ALPL: variants seen among roughly 807,000 people sequenced by gnomAD.
ALPL encodes the protein alkaline phosphatase, biomineralization associated, also known as alkaline phosphatase, tissue-nonspecific isozyme.
A neutral mutation model predicts 51.3 loss-of-function variants in ALPL; 42 were observed. The observed-to-expected ratio is 0.82, with a 90% CI of 0.64 to 1.06. The LOEUF (loss-of-function observed/expected upper bound fraction) is 1.06, where lower values mean the gene tolerates loss of function less well. Ranked by LOEUF, ALPL falls within the 50% of genes least tolerant of loss-of-function variation. The probability of loss-of-function intolerance (pLI) is 0.00; values close to 1 mark genes in which losing one functional copy is unlikely to be tolerated. For missense variants in ALPL, 589 were observed against 709.4 expected (o/e 0.83, Z 1.93); for synonymous variants, 279 against 296.4 (o/e 0.94, Z 0.60).
chr1:21,576,606 G>A lies in ALPL; in HGVS notation c.1274G>A (p.Gly425Asp), dbSNP rs781543452. The A allele has an allele frequency of 3.1e-6, 5 of 1,613,980 alleles. No homozygotes were observed. In the Admixed American group the frequency reaches 6.7e-5, roughly 22 times the overall value. Residue 425 changes from glycine (G) to aspartate (D), a missense_variant, in exon 11 of 12, where the codon GGC becomes GAC. Coordinates refer to ENST00000374840, the MANE Select transcript of ALPL (RefSeq NM_000478.6). ...YGNGPGYKVV[G>D]GERENVSMVD... ...AATGGGCCTGGCTACAAGGTGGTGGGCGGTGAACGAGAGAATGTCTCCATG... is the reference window on the plus strand; with the variant it reads ...AATGGGCCTGGCTACAAGGTGGTGGACGGTGAACGAGAGAATGTCTCCATG...
intron 1 of ALPL, among the ~76,000 whole-genome samples, chr1:21,551,858 T>C (rs1644328881): frequency 6.6e-6 from 1 of 150,940 alleles, no homozygotes; most frequent in South Asian, 2.1e-4. Flanking sequence ...CCTGAGTAGC[T>C]GGGACTACAG....
At chr1:21,532,991 C>T (rs763813952) in intron 1 of ALPL, among the ~76,000 whole-genome samples, 7 of 152,210 alleles carry the variant, frequency 4.6e-5, no homozygotes, top group Admixed American at 3.3e-4. Context: ...TTCCTAGAGT[C>T]CCTTTCAGTT....
chr1:21,554,796 TCTGTCTGTCTGTCTGTCTG>T lies in ALPL; in HGVS notation c.61+655_61+673del, dbSNP rs1558543670. ...TGAGCCACCGCGCCTGGCCTGTCTG[TCTGTCTGTCTGTCTGTCTG>T]TCTTTCTTTCTTTCTTTCTTTCTTT... On this transcript the variant is annotated intron_variant, in intron 2 of 11. Coordinates refer to ENST00000374840, the MANE Select transcript of ALPL (RefSeq NM_000478.6). 5.6e-3 allele frequency among the ~76,000 whole-genome samples: 221 copies of T among 39,392 alleles called. 4 individuals are homozygous for T. Among genetic ancestry groups the T allele is most frequent in the African/African-American group, 0.025 (198 of 7,804 alleles). The allele number at this position is 39,392 out of a possible 152,430, so 25.8% of individuals were successfully genotyped here. A position where few individuals can be genotyped will look rare whatever the true frequency, so the allele number is the denominator to read the frequency against.
Position 21,560,669 on chromosome 1 carries a change from G to A in ALPL, c.105G>A (p.Glu35=). Residue 35 remains glutamate, a synonymous_variant, in exon 3 of 12, where the codon GAG becomes GAA. Coordinates refer to ENST00000374840, the MANE Select transcript of ALPL (RefSeq NM_000478.6). ...DPKYWRDQAQ[E]TLKYALELQK... The stretch of plus-strand genomic sequence containing the variant: ...AGTACTGGCGAGACCAAGCGCAAGA[G>A]ACACTGAAATATGCCCTGGAGCTTC... 1 of 1,614,188 alleles carries A rather than the reference G, an allele frequency of 6.2e-7. No homozygotes were observed. The highest frequency in any genetic ancestry group is 8.5e-7 in the Non-Finnish European group (1 of 1,180,040).
intron 1 of ALPL, among the ~76,000 whole-genome samples, chr1:21,534,269 C>T (rs1412956374): frequency 6.6e-6 from 1 of 152,224 alleles, no homozygotes; most frequent in East Asian, 1.9e-4. Context: ...AGCCACCACA[C>T]CTGGATCCTA....
chr1:21,531,114 C>A (rs981630747), intron 1 of ALPL, among the ~76,000 whole-genome samples: 1 of 151,914 alleles, frequency 6.6e-6, no homozygotes, highest in Non-Finnish European at 1.5e-5. Context: ...CCACCACACC[C>A]GGCTAATTTT....
chr1:21,553,768 T>G (rs189474448), intron 1 of ALPL, among the ~76,000 whole-genome samples: 18 of 152,332 alleles, frequency 1.2e-4, no homozygotes, highest in Admixed American at 6.5e-4. Flanking sequence ...AGCATGGAAC[T>G]CATTGACACT....
chr1:21,534,795 T>C (rs1644076022), intron 1 of ALPL, among the ~76,000 whole-genome samples: 1 of 152,180 alleles, frequency 6.6e-6, no homozygotes, highest in South Asian at 2.1e-4. Context: ...TTGAGAGTTA[T>C]CCTGAAACCC....
At chr1:21,540,700 C>T (rs1644172271) in intron 1 of ALPL, among the ~76,000 whole-genome samples, 1 of 152,228 alleles carries the variant, frequency 6.6e-6, no homozygotes, top group African/African-American at 2.4e-5. Flanking sequence ...TTCCTGCCTC[C>T]TTGCCTTTAA....
At chr1:21,526,731 C>T (rs1344778075) in intron 1 of ALPL, among the ~76,000 whole-genome samples, 3 of 152,142 alleles carry the variant, frequency 2.0e-5, no homozygotes, top group African/African-American at 4.8e-5. Flanking sequence ...TAAATGTTTG[C>T]ATGTTCCTGA....
chr1:21,576,414 C>A, intron 10 of ALPL, 108 bp from the exon 11 acceptor site: 1 of 1,484,188 alleles, frequency 6.7e-7, no homozygotes, highest in Non-Finnish European at 9.2e-7. Context: ...CAGGGCCCTT[C>A]AAAGAAGATC....
In ALPL at chr1:21,538,564, G is replaced by A. The variant is rs56754613; in HGVS notation, c.-104-15414G>A. Among the ~76,000 whole-genome samples the A allele has an allele frequency of 8.6e-3, 1,309 of 152,284 alleles. 27 individuals carry two copies. Among genetic ancestry groups the A allele is most frequent in the African/African-American group, 0.03 (1,255 of 41,540 alleles). On this transcript the variant is annotated intron_variant, in intron 1 of 11. Coordinates refer to ENST00000374840, the MANE Select transcript of ALPL (RefSeq NM_000478.6). ...TCATTGTCCCTTTTCCCACAGCCCG[G>A]CGCCTCCTCAGCCTCCTCTCACAGG...
chr1:21,514,606 G>T (rs1570156319), intron 1 of ALPL, among the ~76,000 whole-genome samples: 1 of 152,144 alleles, frequency 6.6e-6, no homozygotes, highest in Non-Finnish European at 1.5e-5. Flanking sequence ...TACATGCGGG[G>T]GGCTCTGGAG....
chr1:21,576,469 G>C, intron 10 of ALPL, 53 bp from the exon 11 acceptor site: 1 of 1,604,664 alleles, frequency 6.2e-7, no homozygotes. Flanking sequence ...GGGGGCTGGG[G>C]ACTGTACTCC....
At chr1:21,574,754 G>T (rs1387285491) in intron 9 of ALPL, 3 of 152,394 alleles carry the variant, frequency 2.0e-5, no homozygotes, top group African/African-American at 2.4e-5. Context: ...GTGAGCACGG[G>T]CTCCCCCGGG....
At chr1:21,563,986 C>T in intron 5 of ALPL, 55 bp from the exon 6 acceptor site, 1 of 1,604,908 alleles carries the variant, frequency 6.2e-7, no homozygotes, top group South Asian at 1.1e-5. Flanking sequence ...GGGAGGAGGC[C>T]TCTGGGACAC....
chr1:21,554,875 CTCTTTCTTTCTT>C (rs1170462051), intron 2 of ALPL, among the ~76,000 whole-genome samples: 4 of 131,626 alleles, frequency 3.0e-5, no homozygotes, highest in African/African-American at 8.5e-5. Context: ...CTTTCTTTCT[CTCTTTCTTTCTT>C]TTTCTTTCTT....
rs1444764699 is a variant in ALPL, at chr1:21,564,212, T to C, written c.644T>C (p.Ile215Thr). The C allele has an allele frequency of 6.2e-7, 1 of 1,613,510 alleles. No homozygotes were observed. Among genetic ancestry groups the C allele is most frequent in the Non-Finnish European group, 8.5e-7 (1 of 1,179,930 alleles). ...CAGCTCATGCATAACATCAGGGACA[T>C]TGACGTGAGTGCTCGGGGGCAGCCG... ...AYQLMHNIRD[I>T]DVIMGGGRKY... Residue 215 changes from isoleucine (I) to threonine (T), a missense_variant, in exon 6 of 12, where the codon ATT (isoleucine) becomes ACT (threonine). Physicochemically the swap from Ile to Thr is moderately conservative, Grantham distance 89. Coordinates refer to ENST00000374840, the MANE Select transcript of ALPL (RefSeq NM_000478.6). The surrounding 1 kb of genome is among the most constrained non-coding windows in gnomAD (Gnocchi z 5.8).
At chr1:21,554,825 C>CT (rs1289914230) in intron 2 of ALPL, among the ~76,000 whole-genome samples, 1 of 113,450 alleles carries the variant, frequency 8.8e-6, no homozygotes, top group South Asian at 2.8e-4. Context: ...GTCTTTCTTT[C>CT]TTTCTTTCTT....
Sources: allele counts gnomAD v4.1 joint callset (sites outside exome capture counted in the v4.1 genomes callset), GRCh38; gene constraint gnomAD v4.1.1; non-coding constraint Gnocchi (gnomAD v3.1); transcripts MANE v1.5; gene names NCBI Gene and HGNC (gene_info 2026-07-23, HGNC 2026-07-21).